CHSY3: variants seen among roughly 807,000 people sequenced by gnomAD.
The protein encoded by CHSY3 is N-acetylgalactosaminyl-proteoglycan 3-beta-glucuronosyltransferase 3.
In CHSY3, 35 loss-of-function variants were observed where a neutral mutation model predicts 67.2. The observed-to-expected ratio is 0.52, with a 90% CI of 0.40 to 0.69. The LOEUF (loss-of-function observed/expected upper bound fraction) is 0.69, where lower values mean the gene tolerates loss of function less well. CHSY3 is among the 30% of genes least tolerant of loss of function. The pLI, the probability that CHSY3 is intolerant of heterozygous loss-of-function variation, is 0.00. For missense variants in CHSY3, 1,069 were observed against 1,138.5 expected (o/e 0.94, Z 0.88); for synonymous variants, 474 against 434.7 (o/e 1.09, Z -1.12).
At chr5:130,054,646 G>A (rs1765470340) in intron 2 of CHSY3, among the ~76,000 whole-genome samples, 1 of 152,056 alleles carries the variant, frequency 6.6e-6, no homozygotes, top group South Asian at 2.1e-4. Context: ...AGGGTTTCAT[G>A]GGAATTAAAT....
At chr5:130,182,325 C>T (rs192325530) in intron 2 of CHSY3, among the ~76,000 whole-genome samples, 23 of 152,068 alleles carry the variant, frequency 1.5e-4, no homozygotes, top group African/African-American at 5.1e-4. Flanking sequence ...TTTTCTTTGT[C>T]ACTTTTCTGC....
intron 2 of CHSY3, among the ~76,000 whole-genome samples, chr5:130,017,487 A>G (rs1764249276): frequency 6.6e-6 from 1 of 152,096 alleles, no homozygotes; most frequent in African/African-American, 2.4e-5. Context: ...GGGGTAGCGT[A>G]CTTTCTAATC....
At position 130,185,468 on chromosome 5, in the gene CHSY3, A is replaced by C. The variant is rs749453338; in HGVS notation, c.2326A>C (p.Arg776=). 6.8e-6 allele frequency: 11 copies of C among 1,613,976 alleles called. No homozygotes were observed. The highest frequency in any genetic ancestry group is 2.7e-5 in the African/African-American group (2 of 74,904). ...FIFSKKTGFW[R]DYGYGITCIY... is the part of the protein sequence containing the mutation. ...ATTCTCAAAAAAGACTGGATTTTGG[A>C]GAGACTATGGATATGGCATCACCTG... is the stretch of plus-strand genomic sequence containing the variant. Residue 776 remains arginine, a synonymous_variant, in exon 3 of 3, where the codon AGA becomes CGA. Transcript: ENST00000305031.
At chr5:130,141,769 A>C (rs1439578408) in intron 2 of CHSY3, 7 of 456,116 alleles carry the variant, frequency 1.5e-5, no homozygotes, top group African/African-American at 6.1e-5. Flanking sequence ...GCTGGATAAG[A>C]ATCAGATTCA....
chr5:130,146,633 G>C (rs555771541), intron 2 of CHSY3, among the ~76,000 whole-genome samples: 1 of 151,820 alleles, frequency 6.6e-6, no homozygotes, highest in Non-Finnish European at 1.5e-5. Context: ...TCTCCACAAA[G>C]AAATGATAAA....
intron 2 of CHSY3, among the ~76,000 whole-genome samples, chr5:130,084,902 T>A (rs2149688538): frequency 6.6e-6 from 1 of 152,120 alleles, no homozygotes; most frequent in East Asian, 1.9e-4. Flanking sequence ...ATTATGCAGA[T>A]GAAACCTCCA....
intron 2 of CHSY3, among the ~76,000 whole-genome samples, chr5:130,091,128 A>ACACACG (rs1554082147): frequency 1.7e-5 from 2 of 115,730 alleles, no homozygotes; most frequent in African/African-American, 7.5e-5. Flanking sequence ...ACACACACAC[A>ACACACG]CACACACGCA....
chr5:130,036,458 C>T (rs1764865639), intron 2 of CHSY3, among the ~76,000 whole-genome samples: 1 of 152,098 alleles, frequency 6.6e-6, no homozygotes, highest in Non-Finnish European at 1.5e-5. Context: ...TGACATTGGG[C>T]TTGGATGCTG....
intron 2 of CHSY3, among the ~76,000 whole-genome samples, chr5:130,096,144 T>C (rs778783890): frequency 1.3e-5 from 2 of 152,090 alleles, no homozygotes; most frequent in Non-Finnish European, 2.9e-5. Context: ...ACAAAAAAAC[T>C]GCATAACTAG....
intron 2 of CHSY3, among the ~76,000 whole-genome samples, chr5:130,005,850 T>C (rs1357959383): frequency 6.6e-6 from 1 of 152,232 alleles, no homozygotes; most frequent in East Asian, 1.9e-4. Flanking sequence ...AAGTTTTGTT[T>C]GGCTATATAA....
At chr5:130,121,478 A>G (rs1354331965) in intron 2 of CHSY3, among the ~76,000 whole-genome samples, 1 of 152,182 alleles carries the variant, frequency 6.6e-6, no homozygotes, top group Non-Finnish European at 1.5e-5. Context: ...GTATAAATCT[A>G]TTAAAGGAGC....
chr5:130,124,831 C>G (rs1768210685), intron 2 of CHSY3, among the ~76,000 whole-genome samples: 1 of 152,142 alleles, frequency 6.6e-6, no homozygotes, highest in Admixed American at 6.5e-5. Context: ...ACATGTACCC[C>G]AGAACTGAAA....
In CHSY3 at chr5:130,184,293, A is replaced by G. The variant is rs778495962; in HGVS notation, c.1151A>G (p.Asn384Ser). ...NRKGYIQDLHNSKIHAAITLH... is the reference protein window; with the variant it reads ...NRKGYIQDLHSSKIHAAITLH... ...AAGGGTTACATCCAAGACCTTCACAATAGCAAAATCCATGCAGCCATAACA... is the reference window on the plus strand; with the variant it reads ...AAGGGTTACATCCAAGACCTTCACAGTAGCAAAATCCATGCAGCCATAACA... The change falls in exon 3 of 3, where the codon AAT becomes AGT. Residue 384 changes from asparagine to serine, a missense_variant. By Grantham distance (46) the Asn-to-Ser change is conservative. Transcript: ENST00000305031. The G allele has an allele frequency of 6.2e-7, 1 of 1,613,782 alleles. No individual in the cohort carries two copies. Among genetic ancestry groups the G allele is most frequent in the Non-Finnish European group, 8.5e-7 (1 of 1,179,816 alleles).
At chr5:129,933,289 G>A (rs1055986052) in intron 2 of CHSY3, among the ~76,000 whole-genome samples, 2 of 152,044 alleles carry the variant, frequency 1.3e-5, no homozygotes, top group Admixed American at 6.6e-5. Context: ...GGAAAGGAGG[G>A]CCATTTCTGT....
At chr5:129,951,223 A>G (rs1357996203) in intron 2 of CHSY3, among the ~76,000 whole-genome samples, 2 of 152,206 alleles carry the variant, frequency 1.3e-5, no homozygotes, top group Non-Finnish European at 2.9e-5. Flanking sequence ...TCCTTATCTT[A>G]CATCACTCCC....
intron 2 of CHSY3, among the ~76,000 whole-genome samples, chr5:129,992,191 A>G (rs1456883598): frequency 3.3e-5 from 5 of 152,164 alleles, no homozygotes; most frequent in Non-Finnish European, 7.3e-5. Flanking sequence ...TTACCATGCT[A>G]TACACTTTTG....
Position 130,117,048 on chromosome 5 carries a change from T to C in CHSY3, c.1087-67181T>C, listed in dbSNP as rs538765352. Among the ~76,000 whole-genome samples the C allele has an allele frequency of 1.7e-3, 259 of 152,266 alleles. 1 individual carries two copies. Among genetic ancestry groups the C allele is most frequent in the African/African-American group, 5.9e-3 (247 of 41,556 alleles). The stretch of plus-strand genomic sequence containing the variant: ...TCTTGCAGTGTATCCTTTCAGTACC[T>C]ACCAATCTCTTGTCACCCAGGTGAA... On this transcript the variant is annotated intron_variant, in intron 2 of 2. Transcript: ENST00000305031.
intron 2 of CHSY3, among the ~76,000 whole-genome samples, chr5:130,169,873 A>G (rs868829486): frequency 6.6e-6 from 1 of 152,110 alleles, no homozygotes; most frequent in African/African-American, 2.4e-5. Context: ...GTGATCAGTG[A>G]CATCATACAC....
intron 2 of CHSY3, among the ~76,000 whole-genome samples, chr5:130,066,666 C>A (rs780993776): frequency 6.6e-6 from 1 of 152,128 alleles, no homozygotes; most frequent in East Asian, 1.9e-4. Context: ...TTATTCATAA[C>A]TTGCATAGCA....
Sources: allele counts gnomAD v4.1 joint callset (sites outside exome capture counted in the v4.1 genomes callset), GRCh38; gene constraint gnomAD v4.1.1; transcripts MANE v1.5; gene names NCBI Gene and HGNC (gene_info 2026-07-23, HGNC 2026-07-21).